Variants in ANKAR observed in about 807,000 individuals in gnomAD.
The protein encoded by ANKAR is ankyrin and armadillo repeat-containing protein.
ANKAR carries 136 observed loss-of-function variants against 146.2 expected under a neutral mutation model. That is an observed-to-expected ratio of 0.93 (90% CI 0.81 to 1.07). The LOEUF is 1.07. ANKAR is among the 50% of genes least tolerant of loss of function. The pLI is 0.00. For synonymous variants in ANKAR, 500 were observed against 575.8 expected (o/e 0.87, Z 1.88); for missense variants, 1,567 against 1,679.9 (o/e 0.93, Z 1.18).
chr2:189,752,744 A>G (rs756412861), intron 18 of ANKAR: 1 of 1,613,924 alleles, frequency 6.2e-7, no homozygotes, highest in Non-Finnish European at 8.5e-7. Context: ...AAGCATTAAA[A>G]TAAAATCAAT....
At chr2:189,734,501 A>T (rs1337963596) in intron 17 of ANKAR, among the ~76,000 whole-genome samples, 1 of 152,198 alleles carries the variant, frequency 6.6e-6, no homozygotes, top group Non-Finnish European at 1.5e-5. Flanking sequence ...CACTTTCAAC[A>T]GCACTACCCT....
At chr2:189,758,917 T>C (rs1185107685) in intron 18 of ANKAR, among the ~76,000 whole-genome samples, 1 of 152,230 alleles carries the variant, frequency 6.6e-6, no homozygotes, top group Non-Finnish European at 1.5e-5. Context: ...TTCTGTGCCA[T>C]TAACTTTTAC....
chr2:189,686,088 ACTT>A (rs1479556625), intron 2 of ANKAR, among the ~76,000 whole-genome samples: 1 of 152,066 alleles, frequency 6.6e-6, no homozygotes, highest in African/African-American at 2.4e-5. Context: ...GGCTTTTTAG[ACTT>A]CTTTAAACTG....
At chr2:189,745,312 T>C (rs1458765686) in intron 22 of ANKAR, among the ~76,000 whole-genome samples, 8 of 152,144 alleles carry the variant, frequency 5.3e-5, no homozygotes, top group South Asian at 2.1e-4. Context: ...CTGTAAGGCC[T>C]TCCCTATTAT....
rs1204037308 is a variant in ANKAR at position 189,689,713 on chromosome 2, T to C, written c.788T>C (p.Phe263Ser). ...QIQQYENVFIFETGYWLTNAI... is the reference protein window; with the variant it reads ...QIQQYENVFISETGYWLTNAI... ...CAACAGTATGAAAATGTCTTTATAT[T>C]TGAAACAGGCTATTGGCTTACTAAT... Residue 263 changes from phenylalanine (F) to serine (S), a missense_variant, in exon 3 of 23, where the codon TTT (phenylalanine) becomes TCT (serine). Physicochemically the swap from Phe to Ser is radical, Grantham distance 155. Transcript: ENST00000684021. The C allele has an allele frequency of 6.2e-7, 1 of 1,613,494 alleles. No individual in the cohort carries two copies. The highest frequency in any genetic ancestry group is 1.7e-5 in the Admixed American group (1 of 59,996).
Position 189,738,609 on chromosome 2 carries a change from T to G in ANKAR, c.3627T>G (p.Thr1209=), listed in dbSNP as rs769570369. The part of the protein sequence containing the change: ...AKVIRDMDHI[T]LSARGVTILV... ...TCATTAGAGATATGGACCATATTACTTTGTCTGCAAGAGGTGTTACTATTT... is the reference window on the plus strand; with the variant it reads ...TCATTAGAGATATGGACCATATTACGTTGTCTGCAAGAGGTGTTACTATTT... The change falls in exon 19 of 23, where the codon ACT becomes ACG. Residue 1209 remains threonine (T), a synonymous_variant. Transcript: ENST00000684021. 1.1e-5 allele frequency: 17 copies of G among 1,612,352 alleles called. No individual in the cohort carries two copies. The Admixed American group carries it at 2.8e-4, about 27-fold the overall frequency.
intron 22 of ANKAR, among the ~76,000 whole-genome samples, chr2:189,745,314 C>T (rs2254044): frequency 0.98 from 149,424 of 152,248 alleles, 73,385 homozygotes; most frequent in East Asian, 1. Context: ...GTAAGGCCTT[C>T]CCTATTATAT....
intron 18 of ANKAR, chr2:189,754,959 C>T: frequency 1.8e-6 from 1 of 565,330 alleles, no homozygotes; most frequent in Admixed American, 3.7e-5. Context: ...CCTTTATGTA[C>T]AGATATGAAC....
At chr2:189,704,918 T>C (rs1428760165) in intron 7 of ANKAR, 105 bp from the exon 8 acceptor site, 2 of 1,019,988 alleles carry the variant, frequency 2.0e-6, no homozygotes, top group Non-Finnish European at 1.4e-6. Flanking sequence ...GGAGATTTTA[T>C]ATCATACAAT....
At chr2:189,746,659 C>T, downstream of ANKAR, 1 of 1,542,224 alleles carries the variant, frequency 6.5e-7, no homozygotes, top group South Asian at 1.3e-5. Flanking sequence ...GATTCCTGAG[C>T]CATCTTTTAA....
chr2:189,739,568 G>GT (rs879643143), intron 19 of ANKAR, among the ~76,000 whole-genome samples: 5,637 of 143,896 alleles, frequency 0.039, 246 homozygotes, highest in African/African-American at 0.11. Context: ...AGACTCCACA[G>GT]TTTTTTTTTT....
At chr2:189,741,597 TTATATA>T in intron 20 of ANKAR, 146 bp downstream of exon 20, 1 of 478,516 alleles carries the variant, frequency 2.1e-6, no homozygotes. Context: ...CATGACTGTG[TTATATA>T]TATAATATAG....
intron 7 of ANKAR, among the ~76,000 whole-genome samples, chr2:189,696,773 A>G (rs958016169): frequency 1.3e-5 from 2 of 152,220 alleles, no homozygotes; most frequent in African/African-American, 2.4e-5. Flanking sequence ...CTGATATACT[A>G]TAGAAATTCA....
intron 16 of ANKAR, among the ~76,000 whole-genome samples, chr2:189,731,951 T>C (rs1039925702): frequency 6.6e-5 from 10 of 152,314 alleles, no homozygotes; most frequent in African/African-American, 2.4e-4. Flanking sequence ...ATCCTCCACC[T>C]TGGCTTCCAA....
chr2:189,715,829 G>A (rs1301719103), intron 10 of ANKAR, among the ~76,000 whole-genome samples: 6 of 152,090 alleles, frequency 3.9e-5, no homozygotes, highest in Admixed American at 1.3e-4. Flanking sequence ...CAGAACCAAC[G>A]ACAAAAACCA....
chr2:189,694,970 AT>A lies in ANKAR; in HGVS notation c.1308-5del. On this transcript the variant is annotated splice_polypyrimidine_tract_variant and intron_variant, in intron 5 of 22. Coordinates refer to ENST00000684021, the MANE Select transcript of ANKAR (RefSeq NM_001378068.1). ...TTAGAGAAACATCTTTTTTTTCTTT[AT>A]TTTTTATAGCTACTATGTGATCTAT... 4 of 1,417,508 alleles carry A rather than the reference AT, an allele frequency of 2.8e-6. No individual in the cohort carries two copies. The highest frequency in any genetic ancestry group is 2.5e-5 in the Admixed American group (1 of 39,666). 87.8% of individuals were successfully genotyped at this position (1,417,508 alleles called of 1,614,324 possible).
chr2:189,718,587 T>C (rs1315382042), intron 10 of ANKAR, among the ~76,000 whole-genome samples: 2 of 152,166 alleles, frequency 1.3e-5, no homozygotes, highest in Non-Finnish European at 2.9e-5. Flanking sequence ...AAAGAAGTCA[T>C]GAGGGATGTT....
chr2:189,727,846 T>A lies in ANKAR; in HGVS notation c.2636-10T>A. The stretch of plus-strand genomic sequence containing the variant: ...AGGTTTATTTAACTTGTTCTTAAAT[T>A]CATTTGAAGATGTGTTGAAGGCTGT... On this transcript the variant is annotated splice_polypyrimidine_tract_variant and intron_variant, in intron 12 of 22. Transcript: ENST00000684021. The A allele has an allele frequency of 6.2e-7, 1 of 1,610,756 alleles. No homozygotes were observed. Among genetic ancestry groups the A allele is most frequent in the Non-Finnish European group, 8.5e-7 (1 of 1,177,992 alleles).
chr2:189,707,418 CTT>C (rs1376686219), intron 9 of ANKAR, among the ~76,000 whole-genome samples: 13 of 119,702 alleles, frequency 1.1e-4, no homozygotes, highest in African/African-American at 4.1e-4. Context: ...TATTTTCCAA[CTT>C]TCTCCAGAAG....
Sources: allele counts gnomAD v4.1 joint callset (sites outside exome capture counted in the v4.1 genomes callset), GRCh38; gene constraint gnomAD v4.1.1; transcripts MANE v1.5; gene names NCBI Gene and HGNC (gene_info 2026-07-23, HGNC 2026-07-21).